SYNPO: variants seen among roughly 807,000 people sequenced by gnomAD.
SYNPO encodes the protein synaptopodin.
In SYNPO, 19 loss-of-function variants were observed where a neutral mutation model predicts 49.5. The observed-to-expected ratio is 0.38, with a 90% CI of 0.27 to 0.56. SYNPO has a LOEUF of 0.56. SYNPO is among the 20% of genes least tolerant of loss of function. SYNPO has a pLI of 0.68. For synonymous variants in SYNPO, 536 were observed against 548.0 expected, an observed-to-expected ratio of 0.98 and a Z score of 0.31; for missense variants, 1,131 against 1,248.3, an observed-to-expected ratio of 0.91 and a Z score of 1.42.
At chr5:150,613,117 G>T (rs1756894203) in intron 1 of SYNPO, among the ~76,000 whole-genome samples, 1 of 152,134 alleles carries the variant, frequency 6.6e-6, no homozygotes, top group Non-Finnish European at 1.5e-5. Flanking sequence ...AGCTGCTGAA[G>T]AAATTGCTCC....
chr5:150,645,378 G>C (rs2151416354), intron 1 of SYNPO, among the ~76,000 whole-genome samples: 1 of 152,266 alleles, frequency 6.6e-6, no homozygotes, highest in Admixed American at 6.5e-5. Context: ...AATTTTCTTA[G>C]CCACTGATGT....
Position 150,644,985 on chromosome 5 carries a change from G to A in SYNPO, c.-332-2959G>A, listed in dbSNP as rs201264876. 8.5e-5 allele frequency among the ~76,000 whole-genome samples: 13 copies of A among 152,314 alleles called. No homozygotes were observed. In the East Asian group the frequency reaches 2.1e-3, roughly 25 times the overall value. Reference sequence around the variant, plus strand: ...CCAGGTTCGATGGAGGAGGGAAGAAGGAGGTTGGGGCCAGAAAACCTGTGG... The same window carrying A: ...CCAGGTTCGATGGAGGAGGGAAGAAAGAGGTTGGGGCCAGAAAACCTGTGG... On this transcript the variant is annotated intron_variant, in intron 1 of 2. Transcript: ENST00000307662.
At chr5:150,593,357 T>C in the SYNPO span, among the ~76,000 whole-genome samples, 1 of 152,216 alleles carries the variant, frequency 6.6e-6, no homozygotes, top group African/African-American at 2.4e-5. Flanking sequence ...AGACCTGGGT[T>C]CTGTTCCCTA....
chr5:150,650,016 GC>G lies in SYNPO; in HGVS notation c.1743del (p.Lys582ArgfsTer56). ...TGTCCTCTCACCTATCAAGGAGCCT[GC>G]CAAGGTCTCACCAAGAGCTGCCTCG... is the stretch of plus-strand genomic sequence containing the variant. ...LFVLSPIKEP[A>X]KVSPRAASPA... On this transcript the variant is annotated frameshift_variant, in exon 2 of 3. Transcript: ENST00000307662. LOFTEE classifies it high-confidence loss of function. The G allele has an allele frequency of 6.2e-7, 1 of 1,612,388 alleles. No homozygotes were observed. The highest frequency in any genetic ancestry group is 8.5e-7 in the Non-Finnish European group (1 of 1,179,974).
At chr5:150,620,571 T>C (rs1757119969) in intron 2 of SYNPO, among the ~76,000 whole-genome samples, 1 of 152,220 alleles carries the variant, frequency 6.6e-6, no homozygotes, top group African/African-American at 2.4e-5. Flanking sequence ...ACCACTGTCT[T>C]CTGGAATTAT....
In SYNPO at chr5:150,648,485, C is replaced by A; in HGVS notation, c.210C>A (p.Asn70Lys). The change falls in exon 2 of 3, where the codon AAC (asparagine) becomes AAA (lysine). Residue 70 changes from asparagine (N) to lysine (K), a missense_variant. Physicochemically the swap from Asn to Lys is moderately conservative, Grantham distance 94. Transcript: ENST00000307662. This position sits in a 1 kb window ranked among gnomAD's most constrained non-coding sequence, Gnocchi z 5.0. ...AEVHSPAADV[N>K]QNLASPSATL... Reference sequence around the variant, plus strand: ...TCCACAGCCCAGCTGCAGATGTCAACCAAAACCTTGCCTCGCCCAGTGCCA... The same window carrying A: ...TCCACAGCCCAGCTGCAGATGTCAAACAAAACCTTGCCTCGCCCAGTGCCA... 1 of 1,614,174 alleles carries A rather than the reference C, an allele frequency of 6.2e-7. No individual in the cohort carries two copies.
rs559840122 is a variant in SYNPO, at chr5:150,614,064, G to T, written c.-265-4039G>T. Among the ~76,000 whole-genome samples the T allele has an allele frequency of 2.6e-5, 4 of 152,352 alleles. No individual in the cohort carries two copies. In the South Asian group the frequency reaches 8.3e-4, roughly 32 times the overall value. On this transcript the variant is annotated intron_variant, in intron 1 of 2. Transcript: ENST00000394243. ...ACCAAGCGTCTGTAGAGCCCAGCAG[G>T]TGAGCAGCACACAGCAATGCTTCCT...
intron 2 of SYNPO, among the ~76,000 whole-genome samples, chr5:150,625,411 G>A (rs1220443873): frequency 6.6e-6 from 1 of 152,224 alleles, no homozygotes; most frequent in Non-Finnish European, 1.5e-5. Flanking sequence ...CTCCCTGCGG[G>A]CGGGGCGACC....
rs200436305 is a variant in SYNPO, at chr5:150,657,060, C to T, written c.2685C>T (p.Leu895=). 1.2e-3 allele frequency: 1,989 copies of T among 1,597,432 alleles called. 6 individuals carry two copies. Among genetic ancestry groups the T allele is most frequent in the Non-Finnish European group, 1.4e-3 (1,593 of 1,173,340 alleles). Residue 895 remains leucine, a synonymous_variant, in exon 3 of 3, where the codon CTC becomes CTT. Transcript: ENST00000307662. ...GCCTTCGGCTCAAGCGTGGCAGCCT[C>T]CCCGCCGAGGCCTCCTGCACCACCT... The part of the protein sequence containing the change: ...NGSLRLKRGS[L]PAEASCTT
intron 1 of SYNPO, among the ~76,000 whole-genome samples, chr5:150,612,908 A>G (rs1756887578): frequency 6.6e-6 from 1 of 152,128 alleles, no homozygotes; most frequent in Non-Finnish European, 1.5e-5. Flanking sequence ...CCTTTCAAGT[A>G]GCTGGGAGTA....
In SYNPO at chr5:150,648,138, G is replaced by C. The variant is rs749858986; in HGVS notation, c.-138G>C. 1 of 1,552,856 alleles carries C rather than the reference G, an allele frequency of 6.4e-7. No homozygotes were observed. Among genetic ancestry groups the C allele is most frequent in the South Asian group, 1.2e-5 (1 of 84,278 alleles). On this transcript the variant is annotated 5_prime_UTR_variant, in exon 2 of 3. Coordinates refer to ENST00000307662, the MANE Select transcript of SYNPO (RefSeq NM_007286.6). The surrounding 1 kb of genome is among the most constrained non-coding windows in gnomAD (Gnocchi z 5.0). ...CCAGAGGGGACAGAAGCCCAGCCAG[G>C]AGTCCCTCAGAGTGCTCCCTTCAAG...
At chr5:150,615,613 C>T (rs1454554167) in intron 1 of SYNPO, among the ~76,000 whole-genome samples, 1 of 152,258 alleles carries the variant, frequency 6.6e-6, no homozygotes, top group African/African-American at 2.4e-5. Context: ...GTGCGAAAAG[C>T]ACCTGCCCCA....
At chr5:150,635,989 C>A (rs1038822560), upstream of SYNPO, among the ~76,000 whole-genome samples, 1 of 152,198 alleles carries the variant, frequency 6.6e-6, no homozygotes, top group African/African-American at 2.4e-5. Context: ...AATCACTCCT[C>A]ACCCCTTACA....
At chr5:150,641,293 G>A (rs1158139565) in intron 1 of SYNPO, among the ~76,000 whole-genome samples, 1 of 152,170 alleles carries the variant, frequency 6.6e-6, no homozygotes, top group Non-Finnish European at 1.5e-5. Flanking sequence ...GTTGTGCAGT[G>A]GCCAGTCATT....
At chr5:150,626,178 T>C (rs996791154) in intron 2 of SYNPO, among the ~76,000 whole-genome samples, 8 of 152,186 alleles carry the variant, frequency 5.3e-5, no homozygotes, top group African/African-American at 1.9e-4. Flanking sequence ...CCATTCCATG[T>C]TGGGGGGCAC....
intron 2 of SYNPO, chr5:150,654,193 G>A (rs1758483816): frequency 6.6e-6 from 1 of 152,214 alleles, no homozygotes; most frequent in Non-Finnish European, 1.5e-5. Flanking sequence ...ATGACTGCTA[G>A]TGAATTTGGA....
At chr5:150,624,890 C>A in intron 2 of SYNPO, 1 of 985,476 alleles carries the variant, frequency 1.0e-6, no homozygotes, top group South Asian at 4.6e-5. Context: ...GCTCGGGGAC[C>A]GTGCGCAGCG....
intron 2 of SYNPO, among the ~76,000 whole-genome samples, chr5:150,654,799 TG>T (rs1758501082): frequency 6.6e-6 from 1 of 152,320 alleles, no homozygotes; most frequent in African/African-American, 2.4e-5. Context: ...GCAAATGGTT[TG>T]GGGCTGAGAG....
At chr5:150,611,709 C>T (rs553974964) in intron 1 of SYNPO, among the ~76,000 whole-genome samples, 2 of 152,160 alleles carry the variant, frequency 1.3e-5, no homozygotes, top group Admixed American at 6.5e-5. Context: ...AGGAAGGATG[C>T]CAAGATTGGT....
Sources: gnomAD v4.1 joint callset for allele counts (sites outside exome capture counted in the v4.1 genomes callset) on GRCh38, gnomAD v4.1.1 for gene constraint, Gnocchi (gnomAD v3.1) non-coding constraint, MANE v1.5 for transcripts, NCBI Gene and HGNC (gene_info 2026-07-23, HGNC 2026-07-21) for gene names.